DCAF6: variants seen among roughly 807,000 people sequenced by gnomAD.
DCAF6 encodes DDB1- and CUL4-associated factor 6.
Under a neutral mutation model 125.1 loss-of-function variants are expected in DCAF6, and 54 were observed. The observed-to-expected ratio is 0.43, with a 90% CI of 0.35 to 0.54. The LOEUF (loss-of-function observed/expected upper bound fraction) is 0.54, where lower values mean the gene tolerates loss of function less well. Among genes scored for constraint, DCAF6 ranks in the 20% least tolerant of loss-of-function variants. The pLI is 0.01. For synonymous variants in DCAF6, 371 were observed against 390.4 expected (o/e 0.95, Z 0.58); for missense variants, 934 against 1,161.7 (o/e 0.80, Z 2.85).
intron 12 of DCAF6, among the ~76,000 whole-genome samples, chr1:168,030,390 A>G (rs1572012881): frequency 6.6e-6 from 1 of 152,236 alleles, no homozygotes; most frequent in African/African-American, 2.4e-5. Flanking sequence ...TATGCAGGAC[A>G]AAGTGACTTT....
At chr1:167,991,431 T>C in intron 6 of DCAF6, 92 bp downstream of exon 6, 5 of 1,286,836 alleles carry the variant, frequency 3.9e-6, no homozygotes, top group Non-Finnish European at 4.1e-6. Flanking sequence ...TTGTTTGTTA[T>C]AAAATTTCAG....
intron 10 of DCAF6, among the ~76,000 whole-genome samples, chr1:168,006,293 C>A (rs374653778): frequency 6.6e-6 from 1 of 151,928 alleles, no homozygotes; most frequent in Non-Finnish European, 1.5e-5. Context: ...GAAAAAATAT[C>A]TTTGGTGGTC....
chr1:167,997,352 C>T (rs370826741), intron 7 of DCAF6, among the ~76,000 whole-genome samples: 1 of 152,150 alleles, frequency 6.6e-6, no homozygotes, highest in East Asian at 1.9e-4. Flanking sequence ...AAGCCCTCTC[C>T]TTTTGGGAGT....
At position 168,004,811 on chromosome 1, in the gene DCAF6, G is replaced by A; in HGVS notation, c.1378+18G>A. ...TCAGTCTGGTGAGGATAAGTATGCT[G>A]TGGTTCATCTAATGATTTTTGATAG... On this transcript the variant is annotated intron_variant, in intron 10 of 21. Coordinates refer to ENST00000367840, the MANE Select transcript of DCAF6 (RefSeq NM_001198956.2). 1 of 1,603,174 alleles carries A rather than the reference G, an allele frequency of 6.2e-7. No homozygotes were observed.
chr1:167,997,309 A>AGTTCGAAC (rs1363764651), intron 7 of DCAF6, among the ~76,000 whole-genome samples: 1 of 152,174 alleles, frequency 6.6e-6, no homozygotes, highest in African/African-American at 2.4e-5. Flanking sequence ...AGATTCTATT[A>AGTTCGAAC]TATTGTTTTA....
At chr1:168,030,420 G>A (rs542991806) in intron 12 of DCAF6, among the ~76,000 whole-genome samples, 11 of 152,274 alleles carry the variant, frequency 7.2e-5, no homozygotes, top group Middle Eastern at 6.8e-3. Flanking sequence ...TTTAGGTTTC[G>A]CATTTTTATT....
chr1:167,937,091 G>GA (rs1325817638), intron 1 of DCAF6, 83 bp downstream of exon 1: 1 of 1,267,400 alleles, frequency 7.9e-7, no homozygotes, highest in Non-Finnish European at 1.1e-6. Context: ...TGTTGGAGGT[G>GA]GGACGGCGTC....
chr1:167,998,943 G>C lies in DCAF6; in HGVS notation c.904-3539G>C, dbSNP rs569343690. Among the ~76,000 whole-genome samples the C allele has an allele frequency of 7.2e-5, 11 of 152,120 alleles. No individual in the cohort carries two copies. In the South Asian group the frequency reaches 2.1e-3, roughly 29 times the overall value. On this transcript the variant is annotated intron_variant, in intron 7 of 21. Coordinates refer to ENST00000367840, the MANE Select transcript of DCAF6 (RefSeq NM_001198956.2). ...TTTTGACCTCCCACGAATCACAAAAGTTCTTAATAAGGCATCTAGAATGGT... is the reference window on the plus strand; with the variant it reads ...TTTTGACCTCCCACGAATCACAAAACTTCTTAATAAGGCATCTAGAATGGT...
At chr1:167,876,288 T>C in the DCAF6 span, among the ~76,000 whole-genome samples, 29 of 151,338 alleles carry the variant, frequency 1.9e-4, no homozygotes, top group South Asian at 5.9e-3. Context: ...ACTACTCTTA[T>C]GTTCATTTTG....
chr1:167,893,779 T>G, the DCAF6 span: 1 of 1,004,368 alleles, frequency 1.0e-6, no homozygotes, highest in Non-Finnish European at 1.5e-6. Context: ...TGTTTTTTTT[T>G]TCTTAAATCT....
At chr1:167,980,981 A>G (rs1381978411) in intron 4 of DCAF6, among the ~76,000 whole-genome samples, 1 of 139,710 alleles carries the variant, frequency 7.2e-6, no homozygotes, top group East Asian at 2.1e-4. Flanking sequence ...ATCGTGGCTC[A>G]CTGCACCCTC....
chr1:167,870,058 A>G, the DCAF6 span, among the ~76,000 whole-genome samples: 1 of 152,242 alleles, frequency 6.6e-6, no homozygotes, highest in South Asian at 2.1e-4. Context: ...AAATCAGGAT[A>G]TCCATGGGTC....
chr1:168,064,698 A>C (rs1385509947), intron 18 of DCAF6, among the ~76,000 whole-genome samples: 3 of 152,200 alleles, frequency 2.0e-5, no homozygotes, highest in Non-Finnish European at 4.4e-5. Flanking sequence ...AGAAAAGAGA[A>C]GATAAGTAAA....
At chr1:167,923,023 T>TAAAAAC in the DCAF6 span, among the ~76,000 whole-genome samples, 1 of 152,056 alleles carries the variant, frequency 6.6e-6, no homozygotes, top group African/African-American at 2.4e-5. Context: ...GTGCCTATCA[T>TAAAAAC]AAAAACAAAA....
intron 10 of DCAF6, among the ~76,000 whole-genome samples, chr1:168,015,328 AGTT>A (rs1263053093): frequency 6.6e-6 from 1 of 152,136 alleles, no homozygotes; most frequent in Non-Finnish European, 1.5e-5. Context: ...ATAAATTCTG[AGTT>A]GTTTCTAAAT....
the DCAF6 span, among the ~76,000 whole-genome samples, chr1:167,895,534 G>A: frequency 6.6e-6 from 1 of 152,168 alleles, no homozygotes; most frequent in African/African-American, 2.4e-5. Flanking sequence ...GAGTTTTCAG[G>A]GAAGGGTAAG....
At chr1:167,963,024 C>A (rs774704706) in intron 2 of DCAF6, among the ~76,000 whole-genome samples, 3 of 151,834 alleles carry the variant, frequency 2.0e-5, no homozygotes, top group Non-Finnish European at 2.9e-5. Flanking sequence ...CTTTGGGAGG[C>A]CAAGGCGGGT....
At chr1:167,954,668 G>A (rs1674493248) in intron 2 of DCAF6, among the ~76,000 whole-genome samples, 1 of 151,376 alleles carries the variant, frequency 6.6e-6, no homozygotes. Context: ...TAGCCAGGAT[G>A]GTCTCGATCT....
chr1:167,922,456 A>T, the DCAF6 span, among the ~76,000 whole-genome samples: 1 of 152,144 alleles, frequency 6.6e-6, no homozygotes, highest in Non-Finnish European at 1.5e-5. Flanking sequence ...TTAATGATTG[A>T]ATACTTCAGC....
Sources: allele counts gnomAD v4.1 joint callset (sites outside exome capture counted in the v4.1 genomes callset), GRCh38; gene constraint gnomAD v4.1.1; transcripts MANE v1.5; gene names NCBI Gene and HGNC (gene_info 2026-07-23, HGNC 2026-07-21).